FAF1: variants seen among roughly 807,000 people sequenced by gnomAD.
FAF1 encodes Fas associated factor 1, also known as FAS-associated factor 1.
Under a neutral mutation model 92.5 loss-of-function variants are expected in FAF1, and 25 were observed. The ratio of observed to expected loss-of-function variants is 0.27; its 90% CI spans 0.20 to 0.38. The LOEUF (loss-of-function observed/expected upper bound fraction) is 0.38. Ranked by LOEUF, FAF1 falls within the 10% of genes least tolerant of loss-of-function variation. The pLI is 1.00. For synonymous variants in FAF1, 234 were observed against 273.2 expected (o/e 0.86, Z 1.42); for missense variants, 636 against 793.3 (o/e 0.80, Z 2.38).
chr1:50,794,399 C>G (rs780729731), intron 3 of FAF1, among the ~76,000 whole-genome samples: 1 of 152,204 alleles, frequency 6.6e-6, no homozygotes, highest in Non-Finnish European at 1.5e-5. Context: ...AAGAAAAGCC[C>G]CCCACTGGGG....
intron 2 of FAF1, among the ~76,000 whole-genome samples, chr1:50,842,819 G>C (rs1490662768): frequency 6.6e-6 from 1 of 151,714 alleles, no homozygotes; most frequent in South Asian, 2.1e-4. Context: ...GGTTTTCTTC[G>C]TGGCATTTAT....
In FAF1 at chr1:50,534,439, T is replaced by C. The variant is rs112652732; in HGVS notation, c.1494+930A>G. Reference sequence around the variant, plus strand: ...CTGGGATTACAAGCACATGCCACCATACCCAGCTCATTTTTGTATTTTTAG... The same window carrying C: ...CTGGGATTACAAGCACATGCCACCACACCCAGCTCATTTTTGTATTTTTAG... On this transcript the variant is annotated intron_variant, in intron 15 of 18. Transcript: ENST00000396153. 5.4e-3 allele frequency among the ~76,000 whole-genome samples: 824 copies of C among 152,176 alleles called. 6 individuals are homozygous for C. Among genetic ancestry groups the C allele is most frequent in the Non-Finnish European group, 8.0e-3 (542 of 67,984 alleles).
chr1:50,887,649 T>G (rs1279585030), intron 1 of FAF1, among the ~76,000 whole-genome samples: 1 of 152,154 alleles, frequency 6.6e-6, no homozygotes, highest in Non-Finnish European at 1.5e-5. Flanking sequence ...TTTCCCCATT[T>G]CTTGTTTTTA....
At chr1:50,725,038 A>C (rs891960269) in intron 6 of FAF1, among the ~76,000 whole-genome samples, 2 of 152,254 alleles carry the variant, frequency 1.3e-5, no homozygotes, top group Non-Finnish European at 2.9e-5. Context: ...ATTTAGATCT[A>C]GAGCAAGAGG....
intron 15 of FAF1, among the ~76,000 whole-genome samples, chr1:50,524,226 C>A (rs1179579411): frequency 6.6e-6 from 1 of 152,104 alleles, no homozygotes; most frequent in Non-Finnish European, 1.5e-5. Context: ...TGCCCTTTGG[C>A]CACTTCTTAA....
chr1:50,628,949 T>C (rs1653631305), intron 8 of FAF1, among the ~76,000 whole-genome samples: 1 of 152,206 alleles, frequency 6.6e-6, no homozygotes, highest in Non-Finnish European at 1.5e-5. Flanking sequence ...TATGTGGTCA[T>C]ATCAATATAA....
At chr1:50,628,258 T>C (rs747324075) in intron 8 of FAF1, among the ~76,000 whole-genome samples, 10 of 152,164 alleles carry the variant, frequency 6.6e-5, no homozygotes, top group Admixed American at 4.6e-4. Context: ...TAGAAGGTGA[T>C]GGGGTACAGA....
At chr1:50,723,923 A>G (rs527873597) in intron 6 of FAF1, among the ~76,000 whole-genome samples, 1 of 151,880 alleles carries the variant, frequency 6.6e-6, no homozygotes, top group Admixed American at 6.6e-5. Context: ...TAATTTTTGT[A>G]TTTTTAGTAG....
At chr1:50,805,544 A>T (rs1662160835) in intron 2 of FAF1, among the ~76,000 whole-genome samples, 1 of 152,202 alleles carries the variant, frequency 6.6e-6, no homozygotes, top group Non-Finnish European at 1.5e-5. Context: ...GAAATGGCAA[A>T]AATTTCTATA....
chr1:50,713,175 A>G (rs1273596908), intron 6 of FAF1, among the ~76,000 whole-genome samples: 1 of 151,538 alleles, frequency 6.6e-6, no homozygotes, highest in Non-Finnish European at 1.5e-5. Flanking sequence ...AAAAAAAAAA[A>G]AAAGTTCACG....
intron 7 of FAF1, among the ~76,000 whole-genome samples, chr1:50,671,640 T>C (rs931964535): frequency 3.3e-5 from 5 of 152,154 alleles, no homozygotes; most frequent in African/African-American, 1.2e-4. Context: ...ATTCACGTAG[T>C]AGGTTAGCAG....
intron 15 of FAF1, among the ~76,000 whole-genome samples, chr1:50,493,629 G>A (rs1329485578): frequency 6.6e-6 from 1 of 152,102 alleles, no homozygotes; most frequent in Non-Finnish European, 1.5e-5. Flanking sequence ...GACACTGTAA[G>A]CTCCACAAAG....
At chr1:50,573,683 G>A (rs889960796) in intron 12 of FAF1, among the ~76,000 whole-genome samples, 9 of 143,370 alleles carry the variant, frequency 6.3e-5, no homozygotes, top group African/African-American at 2.4e-4. Context: ...CTGAAGATGA[G>A]GAGATGCCAG....
chr1:50,668,618 G>C (rs1655736386), intron 7 of FAF1, among the ~76,000 whole-genome samples: 1 of 152,182 alleles, frequency 6.6e-6, no homozygotes, highest in Non-Finnish European at 1.5e-5. Flanking sequence ...CGTATCAAAT[G>C]AATTGACACT....
At position 50,705,799 on chromosome 1, in the gene FAF1, C is replaced by T; in HGVS notation, c.644G>A (p.Ser215Asn). Residue 215 changes from serine (S) to asparagine (N), a missense_variant, in exon 7 of 19, where the codon AGT (serine) becomes AAT (asparagine). Physicochemically the swap from Ser to Asn is conservative, Grantham distance 46. Coordinates refer to ENST00000396153, the MANE Select transcript of FAF1 (RefSeq NM_007051.3). Reference protein sequence around the residue: ...REYNLNFSGSSTIQEVKRNVY... With the variant: ...REYNLNFSGSNTIQEVKRNVY... Reference sequence around the variant, plus strand: ...GACATAACTCACCTCTTGAATAGTACTGCTTCCTGAGAAGTTCAGGTTGTA... The same window carrying T: ...GACATAACTCACCTCTTGAATAGTATTGCTTCCTGAGAAGTTCAGGTTGTA... The T allele has an allele frequency of 6.3e-7, 1 of 1,595,020 alleles. No individual in the cohort carries two copies. The highest frequency in any genetic ancestry group is 8.6e-7 in the Non-Finnish European group (1 of 1,163,024).
At chr1:50,944,996 G>C (rs1570171637) in intron 1 of FAF1, among the ~76,000 whole-genome samples, 1 of 152,162 alleles carries the variant, frequency 6.6e-6, no homozygotes, top group East Asian at 1.9e-4. Flanking sequence ...TAATAAGTAA[G>C]GTGTGTGGAT....
intron 6 of FAF1, among the ~76,000 whole-genome samples, chr1:50,723,398 CAAAAA>C (rs539161759): frequency 8.5e-6 from 1 of 118,188 alleles, no homozygotes; most frequent in Non-Finnish European, 1.8e-5. Flanking sequence ...AGACTGTCTC[CAAAAA>C]AAAAAAAAAA....
chr1:50,801,558 C>CA (rs908394587), intron 3 of FAF1, 73 bp downstream of exon 3: 29 of 821,960 alleles, frequency 3.5e-5, no homozygotes, highest in Non-Finnish European at 5.5e-5. Context: ...AAAAATAAAA[C>CA]AAAAAAATTA....
intron 5 of FAF1, among the ~76,000 whole-genome samples, chr1:50,740,990 T>C (rs1478669179): frequency 6.6e-6 from 1 of 152,238 alleles, no homozygotes; most frequent in African/African-American, 2.4e-5. Flanking sequence ...AAACCACATA[T>C]GGAAAGATTA....
Sources: gnomAD v4.1 joint callset for allele counts (sites outside exome capture counted in the v4.1 genomes callset) on GRCh38, gnomAD v4.1.1 for gene constraint, MANE v1.5 for transcripts, NCBI Gene and HGNC (gene_info 2026-07-23, HGNC 2026-07-21) for gene names.